Variants in APBB2 observed in about 807,000 individuals in gnomAD.
The protein encoded by APBB2 is amyloid beta precursor protein binding family B member 2, also known as Fe65-like 1.
APBB2 carries 38 observed loss-of-function variants against 82.5 expected under a neutral mutation model. That is an observed-to-expected ratio of 0.46 (90% CI 0.36 to 0.60). APBB2 has a LOEUF of 0.60. Among genes scored for constraint, APBB2 ranks in the 20% least tolerant of loss-of-function variants. The pLI is 0.00. For synonymous variants in APBB2, 341 were observed against 368.2 expected, an observed-to-expected ratio of 0.93 and a Z score of 0.85; for missense variants, 772 against 972.3, an observed-to-expected ratio of 0.79 and a Z score of 2.74.
At position 40,918,104 on chromosome 4, in the gene APBB2, T is replaced by C. The variant is rs10021869; in HGVS notation, c.1254+16352A>G. Among the ~76,000 whole-genome samples, 124 of 152,314 alleles carry C rather than the reference T, an allele frequency of 8.1e-4. 1 individual carries two copies. The highest frequency in any genetic ancestry group is 3.4e-3 in the Middle Eastern group (1 of 294). Reference sequence around the variant, plus strand: ...CTTTAGCACATAAAACAGAACACAATATTATGAATATTTTCACTTATTTAC... The same window carrying C: ...CTTTAGCACATAAAACAGAACACAACATTATGAATATTTTCACTTATTTAC... On this transcript the variant is annotated intron_variant, in intron 10 of 17. Coordinates refer to ENST00000508593, the MANE Select transcript of APBB2 (RefSeq NM_004307.2).
intron 1 of APBB2, among the ~76,000 whole-genome samples, chr4:41,150,522 T>C (rs747798775): frequency 1.3e-4 from 20 of 152,210 alleles, no homozygotes; most frequent in Non-Finnish European, 2.2e-4. Flanking sequence ...TATACTGCCC[T>C]GCCCTACTAC....
At chr4:40,963,562 TATGAAAGGAATTACTATAA>T (rs1291910853) in intron 6 of APBB2, among the ~76,000 whole-genome samples, 2 of 152,236 alleles carry the variant, frequency 1.3e-5, no homozygotes, top group African/African-American at 2.4e-5. Flanking sequence ...TTACTTTTTC[TATGAAAGGAATTACTATAA>T]ATGAAAGGCC....
At chr4:41,072,077 A>G (rs141584880) in intron 3 of APBB2, among the ~76,000 whole-genome samples, 21 of 152,298 alleles carry the variant, frequency 1.4e-4, no homozygotes, top group African/African-American at 5.1e-4. Flanking sequence ...AGTTCTCACA[A>G]CAAGGAAAGC....
chr4:41,159,960 GGAGAAGAAGAAGAAGAAGAAGA>G (rs1764556371), intron 1 of APBB2, among the ~76,000 whole-genome samples: 1 of 72,208 alleles, frequency 1.4e-5, no homozygotes, highest in Non-Finnish European at 2.9e-5. Context: ...AGAAGGAGAA[GGAGAAGAAGAAGAAGAAGAAGA>G]AGAAGAAGAA....
At chr4:40,880,305 T>C in intron 12 of APBB2, 1 of 985,416 alleles carries the variant, frequency 1.0e-6, no homozygotes, top group Non-Finnish European at 1.2e-6. Context: ...TCTTTCCCAG[T>C]GACGAACTGT....
At chr4:40,843,454 A>T (rs62410260) in intron 12 of APBB2, among the ~76,000 whole-genome samples, 96,473 of 152,012 alleles carry the variant, frequency 0.63, 30,996 homozygotes, top group Admixed American at 0.7. Flanking sequence ...TTATAAAACA[A>T]GCATGGTCTT....
chr4:41,138,421 G>A (rs1397251900), intron 2 of APBB2, among the ~76,000 whole-genome samples: 1 of 152,052 alleles, frequency 6.6e-6, no homozygotes, highest in Non-Finnish European at 1.5e-5. Flanking sequence ...CATTGTTGGG[G>A]GGAAAGACAC....
chr4:40,970,807 A>G (rs1795764867), intron 6 of APBB2, among the ~76,000 whole-genome samples: 1 of 152,152 alleles, frequency 6.6e-6, no homozygotes, highest in Non-Finnish European at 1.5e-5. Context: ...TAGCACTGCA[A>G]GTCCCACAAG....
chr4:40,823,880 C>T, intron 15 of APBB2, 121 bp from the exon 16 acceptor site: 1 of 647,414 alleles, frequency 1.5e-6, no homozygotes, highest in South Asian at 1.7e-5. Context: ...CAGGACACTT[C>T]ATTCTCATGT....
intron 1 of APBB2, among the ~76,000 whole-genome samples, chr4:41,163,287 G>A (rs1198085010): frequency 6.6e-6 from 1 of 152,170 alleles, no homozygotes; most frequent in Non-Finnish European, 1.5e-5. Flanking sequence ...GAATCATCAC[G>A]CATTTTTGAA....
chr4:40,860,147 T>A (rs1040045799), intron 12 of APBB2, among the ~76,000 whole-genome samples: 2 of 152,210 alleles, frequency 1.3e-5, no homozygotes, highest in Admixed American at 6.5e-5. Context: ...GAATTCAACC[T>A]TGGCTGAAGA....
intron 10 of APBB2, among the ~76,000 whole-genome samples, chr4:40,899,002 G>C (rs1009393155): frequency 1.3e-5 from 2 of 152,082 alleles, no homozygotes; most frequent in Non-Finnish European, 2.9e-5. Flanking sequence ...CACACCTTGA[G>C]AACCACTGCT....
intron 5 of APBB2, among the ~76,000 whole-genome samples, chr4:41,024,642 T>C (rs952173898): frequency 2.6e-5 from 4 of 152,202 alleles, no homozygotes; most frequent in African/African-American, 4.8e-5. Flanking sequence ...CAGCCCTCCT[T>C]CAACATAGGG....
chr4:40,930,420 AGT>A (rs566261600), intron 10 of APBB2, among the ~76,000 whole-genome samples: 2,497 of 145,832 alleles, frequency 0.017, 44 homozygotes, highest in African/African-American at 0.045. Context: ...TCTTTGGGGA[AGT>A]GTGTGTGTGT....
chr4:41,021,804 C>T (rs1316810392), intron 5 of APBB2, among the ~76,000 whole-genome samples: 1 of 152,124 alleles, frequency 6.6e-6, no homozygotes, highest in Non-Finnish European at 1.5e-5. Context: ...TTCTTTGGGT[C>T]CACACCACCT....
intron 12 of APBB2, among the ~76,000 whole-genome samples, chr4:40,838,826 C>A (rs905047392): frequency 6.6e-6 from 1 of 152,138 alleles, no homozygotes; most frequent in African/African-American, 2.4e-5. Flanking sequence ...CTAAATCTCT[C>A]CTGTGCAACT....
intron 6 of APBB2, among the ~76,000 whole-genome samples, chr4:40,957,410 T>C (rs1443188756): frequency 1.3e-5 from 2 of 151,806 alleles, no homozygotes; most frequent in African/African-American, 2.4e-5. Context: ...TGATGTATCA[T>C]GTGAGAACAC....
At chr4:40,827,508 C>CA (rs1320040613) in intron 13 of APBB2, among the ~76,000 whole-genome samples, 2 of 152,186 alleles carry the variant, frequency 1.3e-5, no homozygotes, top group Non-Finnish European at 2.9e-5. Flanking sequence ...AGAAACAACT[C>CA]AAACAAGTCT....
At chr4:41,133,866 G>C (rs1312276622) in intron 2 of APBB2, among the ~76,000 whole-genome samples, 1 of 152,166 alleles carries the variant, frequency 6.6e-6, no homozygotes, top group African/African-American at 2.4e-5. Context: ...AGCTGCTTAG[G>C]AGTATCTGAT....
Sources: allele counts gnomAD v4.1 joint callset (sites outside exome capture counted in the v4.1 genomes callset), GRCh38; gene constraint gnomAD v4.1.1; transcripts MANE v1.5; gene names NCBI Gene and HGNC (gene_info 2026-07-23, HGNC 2026-07-21).